The following PPP1R21 variants were observed in gnomAD, a reference collection of about 807,000 sequenced individuals.
PPP1R21 encodes the protein protein phosphatase 1 regulatory subunit 21, also known as KLRAQ motif containing 1.
PPP1R21 carries 85 observed loss-of-function variants against 112.8 expected under a neutral mutation model. The ratio of observed to expected loss-of-function variants is 0.75; its 90% CI spans 0.63 to 0.90. The LOEUF is 0.90. Ranked by LOEUF, PPP1R21 falls within the 40% of genes least tolerant of loss-of-function variation. The probability of loss-of-function intolerance (pLI) is 0.00; values close to 1 mark genes in which losing one functional copy is unlikely to be tolerated. For synonymous variants in PPP1R21, 381 were observed against 322.3 expected (o/e 1.18, Z -1.95); for missense variants, 1,199 against 901.5 (o/e 1.33, Z -4.23).
intron 12 of PPP1R21, chr2:48,479,666 A>T (rs1668918086): frequency 6.4e-6 from 4 of 625,514 alleles, no homozygotes; most frequent in South Asian, 5.0e-5. Flanking sequence ...AAGAATCATG[A>T]CAGACTTAAT....
At chr2:48,507,192 C>CT (rs368842819) in intron 18 of PPP1R21, 77 bp from the exon 19 acceptor site, 244,910 of 1,111,098 alleles carry the variant, frequency 0.22, 849 homozygotes, top group Non-Finnish European at 0.24. Flanking sequence ...AAAATGTTGT[C>CT]TTTTTTTTTT....
chr2:48,453,018 A>G (rs1373996115), intron 2 of PPP1R21, among the ~76,000 whole-genome samples: 2 of 151,440 alleles, frequency 1.3e-5, no homozygotes, highest in South Asian at 4.2e-4. Context: ...CAGTGGCACA[A>G]TCTCGGCTTA....
chr2:48,479,784 G>A lies in PPP1R21; in HGVS notation c.1226-140G>A, dbSNP rs185031445. ...ATGTGTATCACCATTATGTCTGAAT[G>A]TATCTGCCACGATTTTAAGAGGCAT... On this transcript the variant is annotated intron_variant, in intron 12 of 21. Transcript: ENST00000294952. 366 of 658,094 alleles carry A rather than the reference G, an allele frequency of 5.6e-4. 1 individual carries two copies. Among genetic ancestry groups the A allele is most frequent in the Non-Finnish European group, 6.3e-4 (227 of 362,664 alleles). 40.8% of individuals were successfully genotyped at this position (658,094 alleles called of 1,614,324 possible).
At chr2:48,479,370 C>T in intron 12 of PPP1R21, 1 of 415,802 alleles carries the variant, frequency 2.4e-6, no homozygotes, top group South Asian at 1.8e-5. Flanking sequence ...ACCGTAGCCT[C>T]TCACTGTTAT....
chr2:48,477,313 G>T (rs957471121), intron 12 of PPP1R21, among the ~76,000 whole-genome samples: 1 of 151,730 alleles, frequency 6.6e-6, no homozygotes, highest in Admixed American at 6.6e-5. Flanking sequence ...AGAGATGGGG[G>T]TCTCACCATG....
chr2:48,493,685 T>C (rs954485160), intron 15 of PPP1R21, among the ~76,000 whole-genome samples: 1 of 152,090 alleles, frequency 6.6e-6, no homozygotes, highest in Non-Finnish European at 1.5e-5. Context: ...TAAATAATTA[T>C]TTTTTTTCAA....
intron 15 of PPP1R21, among the ~76,000 whole-genome samples, chr2:48,494,333 C>G (rs1669712565): frequency 6.7e-6 from 1 of 150,218 alleles, no homozygotes; most frequent in African/African-American, 2.5e-5. Context: ...ATAGCTTAGC[C>G]TAGCCTGCCT....
At chr2:48,480,834 A>T (rs1668979260) in intron 13 of PPP1R21, among the ~76,000 whole-genome samples, 1 of 152,176 alleles carries the variant, frequency 6.6e-6, no homozygotes, top group African/African-American at 2.4e-5. Flanking sequence ...TTAAAAACCT[A>T]AAGCTGTGTT....
chr2:48,469,509 CATATATATATAT>C (rs374280494), intron 9 of PPP1R21, among the ~76,000 whole-genome samples: 1 of 59,312 alleles, frequency 1.7e-5, no homozygotes, highest in African/African-American at 6.5e-5. Context: ...ATATATAGAG[CATATATATATAT>C]ATATATATAT....
intron 7 of PPP1R21, 74 bp from the exon 8 acceptor site, chr2:48,464,863 A>C: frequency 7.8e-6 from 9 of 1,151,934 alleles, no homozygotes; most frequent in Non-Finnish European, 1.0e-5. Context: ...CAGAGCATTC[A>C]TTATTTTGCA....
At chr2:48,502,722 C>T (rs1396422184) in intron 17 of PPP1R21, among the ~76,000 whole-genome samples, 2 of 145,616 alleles carry the variant, frequency 1.4e-5, no homozygotes, top group East Asian at 2.0e-4. Context: ...GCTCTGTGGC[C>T]CAGGCTGGAG....
At chr2:48,465,670 T>A in intron 9 of PPP1R21, 28 bp downstream of exon 9, 1 of 1,603,638 alleles carries the variant, frequency 6.2e-7, no homozygotes, top group East Asian at 2.2e-5. Context: ...TACATTTTGT[T>A]TGCCCTGAAC....
intron 3 of PPP1R21, among the ~76,000 whole-genome samples, 179 bp downstream of exon 3, chr2:48,454,920 A>G (rs545603440): frequency 1.1e-3 from 167 of 152,078 alleles, no homozygotes; most frequent in Middle Eastern, 6.8e-3. Flanking sequence ...GCTCACTGCA[A>G]CCTCTGCTCC....
intron 7 of PPP1R21, 124 bp downstream of exon 7, chr2:48,461,356 C>G (rs1218306902): frequency 2.1e-5 from 28 of 1,311,314 alleles, no homozygotes; most frequent in Non-Finnish European, 2.6e-5. Context: ...AGATTGCTTT[C>G]TCTTTGTTCA....
At chr2:48,507,748 C>CATT (rs1670448841) in intron 19 of PPP1R21, among the ~76,000 whole-genome samples, 1 of 69,556 alleles carries the variant, frequency 1.4e-5, no homozygotes, top group Non-Finnish European at 2.7e-5. Flanking sequence ...TGAGGCTCTG[C>CATT]CTTTTTTTTT....
At chr2:48,505,734 G>A (rs1169839099) in intron 18 of PPP1R21, 138 bp downstream of exon 18, 5 of 746,358 alleles carry the variant, frequency 6.7e-6, no homozygotes, top group African/African-American at 1.7e-5. Flanking sequence ...TGGAGCCAGT[G>A]TTTTCCACCT....
chr2:48,441,063 G>C, intron 1 of PPP1R21, 53 bp downstream of exon 1: 1 of 1,342,054 alleles, frequency 7.5e-7, no homozygotes, highest in Admixed American at 1.7e-5. Flanking sequence ...GCCTCAGGTT[G>C]CCGTGGCAGC....
intron 13 of PPP1R21, 111 bp from the exon 14 acceptor site, chr2:48,486,520 C>A: frequency 3.7e-6 from 3 of 820,608 alleles, no homozygotes; most frequent in African/African-American, 1.7e-5. Flanking sequence ...CATTCTTTGT[C>A]AAATTTACTT....
chr2:48,512,538 A>G (rs922188918), intron 21 of PPP1R21, among the ~76,000 whole-genome samples: 5 of 147,434 alleles, frequency 3.4e-5, no homozygotes, highest in Admixed American at 3.3e-4. Flanking sequence ...TGAAGAAACC[A>G]TGGCTTTATT....
Sources: allele counts gnomAD v4.1 joint callset (sites outside exome capture counted in the v4.1 genomes callset), GRCh38; gene constraint gnomAD v4.1.1; transcripts MANE v1.5; gene names NCBI Gene and HGNC (gene_info 2026-07-23, HGNC 2026-07-21).